Variants in TXNDC15 observed in about 807,000 individuals in gnomAD.
TXNDC15 encodes the protein thioredoxin domain-containing protein 15.
Under a neutral mutation model 35.0 loss-of-function variants are expected in TXNDC15, and 24 were observed. The ratio of observed to expected loss-of-function variants is 0.68; its 90% confidence interval spans 0.50 to 0.96. TXNDC15 has a LOEUF of 0.96. Ranked by LOEUF, TXNDC15 falls within the 40% of genes least tolerant of loss-of-function variation. TXNDC15 has a pLI of 0.00. For missense variants in TXNDC15, 385 were observed against 453.3 expected (o/e 0.85, Z 1.37); for synonymous variants, 169 against 174.0 (o/e 0.97, Z 0.23).
At chr5:134,881,811 G>T (rs954677737) in intron 1 of TXNDC15, among the ~76,000 whole-genome samples, 1 of 150,136 alleles carries the variant, frequency 6.7e-6, no homozygotes, top group Non-Finnish European at 1.5e-5. Flanking sequence ...CTGGCCGGGC[G>T]GGGGGCTGAC....
intron 1 of TXNDC15, among the ~76,000 whole-genome samples, chr5:134,883,382 G>C (rs1287642910): frequency 1.3e-5 from 2 of 151,834 alleles, no homozygotes; most frequent in Non-Finnish European, 2.9e-5. Flanking sequence ...GAGTGAGATC[G>C]TGCCACTGCA....
At chr5:134,886,698 C>T (rs909214845) in intron 1 of TXNDC15, among the ~76,000 whole-genome samples, 2 of 152,256 alleles carry the variant, frequency 1.3e-5, no homozygotes, top group Non-Finnish European at 2.9e-5. Flanking sequence ...CAGAGGCCAC[C>T]TCAGGAAGGA....
intron 1 of TXNDC15, among the ~76,000 whole-genome samples, chr5:134,881,202 T>TATTTATTTA (rs1561897018): frequency 6.9e-6 from 1 of 144,418 alleles, no homozygotes; most frequent in African/African-American, 2.5e-5. Flanking sequence ...TTTATTTATT[T>TATTTATTTA]TTTTATTGAT....
intron 4 of TXNDC15, among the ~76,000 whole-genome samples, chr5:134,898,920 C>CA (rs1169435465): frequency 6.6e-6 from 1 of 151,934 alleles, no homozygotes; most frequent in East Asian, 1.9e-4. Context: ...ACTAAAAATA[C>CA]AAAAAAATTA....
chr5:134,891,577 C>G (rs918824769), intron 2 of TXNDC15, among the ~76,000 whole-genome samples: 1 of 152,092 alleles, frequency 6.6e-6, no homozygotes, highest in Non-Finnish European at 1.5e-5. Context: ...AGAGCACAGG[C>G]AAAATAAATT....
chr5:134,883,219 G>T (rs897578814), intron 1 of TXNDC15, among the ~76,000 whole-genome samples: 1 of 152,054 alleles, frequency 6.6e-6, no homozygotes, highest in South Asian at 2.1e-4. Flanking sequence ...GAGGTCAGGA[G>T]TTCCAGACCA....
chr5:134,899,758 A>G lies in TXNDC15; in HGVS notation c.*73A>G. On this transcript the variant is annotated 3_prime_UTR_variant, in exon 5 of 5. Transcript: ENST00000358387. ...AGAAATTAGTGCTACAGTTTCATACATTTTCTCCAGTGACGTGTTGACTTG... is the reference window on the plus strand; with the variant it reads ...AGAAATTAGTGCTACAGTTTCATACGTTTTCTCCAGTGACGTGTTGACTTG... The G allele has an allele frequency of 1.6e-6, 2 of 1,280,292 alleles. No homozygotes were observed. The highest frequency in any genetic ancestry group is 4.9e-5 in the East Asian group (2 of 40,456). The allele number at this position is 1,280,292 out of a possible 1,614,324, so 79.3% of individuals were successfully genotyped here.
At chr5:134,894,369 C>CTT (rs556643965) in intron 3 of TXNDC15, among the ~76,000 whole-genome samples, 16 of 131,408 alleles carry the variant, frequency 1.2e-4, no homozygotes, top group African/African-American at 1.4e-4. Context: ...TTTTTTTTTT[C>CTT]TTTTTTTTTT....
At chr5:134,875,613 G>A (rs1437169936) in intron 1 of TXNDC15, among the ~76,000 whole-genome samples, 12 of 151,452 alleles carry the variant, frequency 7.9e-5, no homozygotes, top group South Asian at 2.1e-4. Context: ...CCTCCCACCT[G>A]TTTCCCAAAG....
upstream of TXNDC15, chr5:134,874,217 C>G: frequency 1.9e-6 from 1 of 534,172 alleles, no homozygotes; most frequent in Non-Finnish European, 3.3e-6. Flanking sequence ...ACGTCTGGCG[C>G]TTAGCTCCTA....
intron 2 of TXNDC15, among the ~76,000 whole-genome samples, chr5:134,891,667 G>A (rs1260977210): frequency 6.6e-6 from 1 of 152,158 alleles, no homozygotes; most frequent in Non-Finnish European, 1.5e-5. Context: ...GCTCATACCT[G>A]TAATCCCAGT....
At chr5:134,874,574 T>G (rs769548982) in intron 1 of TXNDC15, 44 bp downstream of exon 1, 1 of 1,498,292 alleles carries the variant, frequency 6.7e-7, no homozygotes, top group African/African-American at 1.4e-5. Context: ...TGGGGCGAGC[T>G]GAGGTCCACC....
At chr5:134,885,035 G>C (rs914951080) in intron 1 of TXNDC15, among the ~76,000 whole-genome samples, 50 of 151,252 alleles carry the variant, frequency 3.3e-4, no homozygotes, top group African/African-American at 1.2e-3. Context: ...TGATTCTCCT[G>C]CCTCAGCCTA....
chr5:134,892,023 A>G (rs1322485744), intron 2 of TXNDC15, among the ~76,000 whole-genome samples: 1 of 152,216 alleles, frequency 6.6e-6, no homozygotes, highest in Non-Finnish European at 1.5e-5. Context: ...AGGCATTGAC[A>G]TCTCTTGTCT....
At chr5:134,874,705 AG>A (rs1254781165) in intron 1 of TXNDC15, among the ~76,000 whole-genome samples, 175 bp downstream of exon 1, 1 of 152,108 alleles carries the variant, frequency 6.6e-6, no homozygotes, top group Non-Finnish European at 1.5e-5. Flanking sequence ...GGCCCGCGAA[AG>A]GGGGCCGGTG....
intron 1 of TXNDC15, chr5:134,875,487 T>C (rs1167389955): frequency 4.6e-6 from 2 of 438,430 alleles, no homozygotes; most frequent in East Asian, 1.4e-4. Flanking sequence ...TCTTTTGGAA[T>C]CTTTACTGTT....
rs142654794 is a variant in TXNDC15 at position 134,890,500 on chromosome 5, C to T, written c.591+2318C>T. Among the ~76,000 whole-genome samples the T allele has an allele frequency of 9.7e-3, 1,479 of 151,994 alleles. 34 individuals are homozygous for T. Among genetic ancestry groups the T allele is most frequent in the African/African-American group, 0.034 (1,400 of 41,454 alleles). On this transcript the variant is annotated intron_variant, in intron 2 of 4. Coordinates refer to ENST00000358387, the MANE Select transcript of TXNDC15 (RefSeq NM_024715.4). ...TCAGCTCACTGCAACCTCCATCTAC[C>T]AGGTTCAAGCTATTCTCCCACTGCA...
At chr5:134,890,205 C>CT (rs34212800) in intron 2 of TXNDC15, among the ~76,000 whole-genome samples, 2,754 of 147,404 alleles carry the variant, frequency 0.019, 82 homozygotes, top group African/African-American at 0.065. Context: ...TAATTTTTTT[C>CT]TTTTTTTTTT....
At position 134,875,598 on chromosome 5, in the gene TXNDC15, G is replaced by A. The variant is rs1580855356; in HGVS notation, c.103+1068G>A. ...TGCAGCCTTGAACTCCTGGGCTTAA[G>A]TGATCCTCCCACCTGTTTCCCAAAG... On this transcript the variant is annotated intron_variant, in intron 1 of 4. Coordinates refer to ENST00000358387, the MANE Select transcript of TXNDC15 (RefSeq NM_024715.4). Among the ~76,000 whole-genome samples the A allele has an allele frequency of 3.3e-5, 5 of 151,698 alleles. No individual in the cohort carries two copies. The East Asian group carries it at 7.7e-4, about 23-fold the overall frequency.
Sources: gnomAD v4.1 joint callset for allele counts (sites outside exome capture counted in the v4.1 genomes callset) on GRCh38, gnomAD v4.1.1 for gene constraint, MANE v1.5 for transcripts, NCBI Gene and HGNC (gene_info 2026-07-23, HGNC 2026-07-21) for gene names.